TAS2R1: variants seen among roughly 807,000 people sequenced by gnomAD.
TAS2R1 encodes the protein taste 2 receptor member 1.
For synonymous variants in TAS2R1, 141 were observed against 134.2 expected, an observed-to-expected ratio of 1.05 and a Z score of -0.35; for missense variants, 370 against 353.4, an observed-to-expected ratio of 1.05 and a Z score of -0.38.
At chr5:9,850,512 T>C in the TAS2R1 span, among the ~76,000 whole-genome samples, 1 of 152,238 alleles carries the variant, frequency 6.6e-6, no homozygotes, top group Non-Finnish European at 1.5e-5. Context: ...CCCACCAGCT[T>C]TCCATCTGCA....
chr5:9,811,208 C>T, the TAS2R1 span, among the ~76,000 whole-genome samples: 1 of 152,282 alleles, frequency 6.6e-6, no homozygotes, highest in East Asian at 1.9e-4. Context: ...AAGAAGAAGC[C>T]ATCTGTGAAC....
chr5:9,690,131 G>A (rs191518123), intron 1 of TAS2R1, among the ~76,000 whole-genome samples: 75 of 152,250 alleles, frequency 4.9e-4, no homozygotes, highest in African/African-American at 1.7e-3. Context: ...CAACTTTGTT[G>A]AAAGAGAAGA....
intron 1 of TAS2R1, among the ~76,000 whole-genome samples, chr5:9,660,368 G>A (rs181046897): frequency 2.0e-5 from 3 of 151,054 alleles, no homozygotes; most frequent in East Asian, 2.0e-4. Flanking sequence ...GAGCCACCAC[G>A]CCCGGCCTGA....
chr5:9,864,769 T>C, the TAS2R1 span, among the ~76,000 whole-genome samples: 534 of 152,168 alleles, frequency 3.5e-3, 2 homozygotes, highest in Non-Finnish European at 5.4e-3. Context: ...ACATTCTTTA[T>C]TGAACCAGAA....
rs555786230 is a variant in TAS2R1, at chr5:9,656,410, C to G, written c.-81+3011G>C. ...CAAAAAGAATTGGCACACATGATTACGTCCAAGATCTGCAGCTGGCCAGCT... is the reference window on the plus strand; with the variant it reads ...CAAAAAGAATTGGCACACATGATTAGGTCCAAGATCTGCAGCTGGCCAGCT... On this transcript the variant is annotated intron_variant, in intron 2 of 2. Coordinates refer to the TAS2R1 transcript ENST00000506620. Among the ~76,000 whole-genome samples, 21 of 152,292 alleles carry G rather than the reference C, an allele frequency of 1.4e-4. No individual in the cohort carries two copies. In the South Asian group the frequency reaches 4.4e-3, roughly 32 times the overall value.
At chr5:9,784,219 T>C in the TAS2R1 span, among the ~76,000 whole-genome samples, 1 of 152,224 alleles carries the variant, frequency 6.6e-6, no homozygotes, top group African/African-American at 2.4e-5. Context: ...GAGTCTTTCT[T>C]CTGTCTCTGG....
the TAS2R1 span, among the ~76,000 whole-genome samples, chr5:9,872,551 C>T: frequency 1.3e-5 from 2 of 152,234 alleles, no homozygotes; most frequent in African/African-American, 4.8e-5. Flanking sequence ...TATTTCCAAA[C>T]AGCCCTCACA....
chr5:9,763,573 T>C, the TAS2R1 span, among the ~76,000 whole-genome samples: 1 of 152,110 alleles, frequency 6.6e-6, no homozygotes, highest in African/African-American at 2.4e-5. Context: ...TGTGACTCCA[T>C]GAATGGGAAC....
the TAS2R1 span, among the ~76,000 whole-genome samples, chr5:9,786,735 TAGA>T: frequency 6.6e-6 from 1 of 152,176 alleles, no homozygotes; most frequent in Non-Finnish European, 1.5e-5. Flanking sequence ...TGTTAAAAAT[TAGA>T]AGGACTGTTT....
the TAS2R1 span, among the ~76,000 whole-genome samples, chr5:9,749,221 C>A: frequency 7.9e-5 from 12 of 152,054 alleles, no homozygotes; most frequent in Non-Finnish European, 1.5e-5. Context: ...AAGGCACAGC[C>A]CTCTCATCAG....
At chr5:9,736,672 C>T in the TAS2R1 span, among the ~76,000 whole-genome samples, 1 of 152,200 alleles carries the variant, frequency 6.6e-6, no homozygotes, top group Non-Finnish European at 1.5e-5. Context: ...TTGTGTTTGA[C>T]ATCTTATCTC....
chr5:9,787,557 T>C, the TAS2R1 span, among the ~76,000 whole-genome samples: 2 of 152,228 alleles, frequency 1.3e-5, no homozygotes, highest in Non-Finnish European at 2.9e-5. Context: ...AAATGTTTGC[T>C]GATCTCTCTA....
the TAS2R1 span, among the ~76,000 whole-genome samples, chr5:9,769,356 G>T: frequency 6.6e-6 from 1 of 152,212 alleles, no homozygotes; most frequent in Admixed American, 6.5e-5. Context: ...CTTGGCTATT[G>T]TGAACAATGC....
chr5:9,835,608 C>A, the TAS2R1 span, among the ~76,000 whole-genome samples: 9 of 152,196 alleles, frequency 5.9e-5, no homozygotes, highest in East Asian at 1.9e-4. Flanking sequence ...TACAGCCAGA[C>A]CTCAGGCAAC....
At chr5:9,831,116 AT>A in the TAS2R1 span, among the ~76,000 whole-genome samples, 1 of 152,236 alleles carries the variant, frequency 6.6e-6, no homozygotes, top group Non-Finnish European at 1.5e-5. Context: ...ACTAACAAGC[AT>A]AATATAATTA....
the TAS2R1 span, among the ~76,000 whole-genome samples, chr5:9,844,235 T>C: frequency 1.3e-5 from 2 of 152,210 alleles, no homozygotes; most frequent in African/African-American, 4.8e-5. Context: ...TATATTAGCC[T>C]CTTCCCAGAT....
At chr5:9,721,043 C>A in the TAS2R1 span, among the ~76,000 whole-genome samples, 1 of 152,174 alleles carries the variant, frequency 6.6e-6, no homozygotes, top group Non-Finnish European at 1.5e-5. Context: ...CTGCGAGACG[C>A]GAGGTTTCCC....
chr5:9,785,993 T>C, the TAS2R1 span, among the ~76,000 whole-genome samples: 3 of 152,244 alleles, frequency 2.0e-5, no homozygotes, highest in Non-Finnish European at 4.4e-5. Context: ...AAAAAAGTTT[T>C]AGCAATCCAT....
chr5:9,869,906 T>C, the TAS2R1 span, among the ~76,000 whole-genome samples: 1 of 152,236 alleles, frequency 6.6e-6, no homozygotes, highest in East Asian at 1.9e-4. Flanking sequence ...ATAGAACAAC[T>C]AGAGTGGAGA....
Sources: gnomAD v4.1 joint callset for allele counts (sites outside exome capture counted in the v4.1 genomes callset) on GRCh38, gnomAD v4.1.1 for gene constraint, MANE v1.5 for transcripts, NCBI Gene and HGNC (gene_info 2026-07-23, HGNC 2026-07-21) for gene names.